AMMECR1: variants seen among roughly 807,000 people sequenced by gnomAD.
The protein encoded by AMMECR1 is nuclear protein AMMECR1.
In AMMECR1, 3 loss-of-function variants were observed where a neutral mutation model predicts 22.5. The ratio of observed to expected loss-of-function variants is 0.13; its 90% confidence interval spans 0.06 to 0.35. AMMECR1 has a LOEUF of 0.35. AMMECR1 is among the 10% of genes least tolerant of loss of function. The probability of loss-of-function intolerance (pLI) is 1.00; values close to 1 mark genes in which losing one functional copy is unlikely to be tolerated. For missense variants in AMMECR1, 235 were observed against 278.7 expected, an observed-to-expected ratio of 0.84 and a Z score of 1.12; for synonymous variants, 130 against 116.7, an observed-to-expected ratio of 1.11 and a Z score of -0.74.
chrX:110,346,314 A>T (rs1247456445), intron 2 of AMMECR1, among the ~76,000 whole-genome samples: 1 of 112,274 alleles, frequency 8.9e-6, no homozygotes, highest in Non-Finnish European at 1.9e-5. Context: ...ATAGGCTATG[A>T]GTAGATTATT....
chrX:110,277,965 T>G (rs747460631), intron 1 of AMMECR1, among the ~76,000 whole-genome samples: 1 of 112,350 alleles, frequency 8.9e-6, no homozygotes, highest in East Asian at 2.8e-4. Flanking sequence ...AAGTCATTAA[T>G]AGTCATGCAT....
At chrX:110,418,968 A>G (rs1003441555) in intron 2 of AMMECR1, 1 of 107,652 alleles carries the variant, frequency 9.3e-6, no homozygotes, top group African/African-American at 3.4e-5. Flanking sequence ...TGCATTGCCT[A>G]TGACTCACCA....
intron 2 of AMMECR1, among the ~76,000 whole-genome samples, chrX:110,341,005 A>C (rs1017520078): frequency 1.8e-4 from 20 of 112,639 alleles, no homozygotes; most frequent in Non-Finnish European, 3.6e-4. Context: ...AAATATTCCA[A>C]AGATGCTACT....
intron 1 of AMMECR1, among the ~76,000 whole-genome samples, chrX:110,313,451 T>C (rs1270460877): frequency 1.8e-5 from 2 of 111,908 alleles, no homozygotes; most frequent in Non-Finnish European, 3.8e-5. Flanking sequence ...ACAATCCCAG[T>C]GCCTTAGCAG....
intron 2 of AMMECR1, among the ~76,000 whole-genome samples, chrX:110,260,865 A>G (rs933690002): frequency 3.3e-4 from 37 of 112,395 alleles, no homozygotes; most frequent in African/African-American, 1.1e-3. Context: ...TGCCTTAAAA[A>G]GAAGGTAAAT....
upstream of AMMECR1, among the ~76,000 whole-genome samples, chrX:110,319,106 T>A (rs2148228711): frequency 8.9e-6 from 1 of 112,611 alleles, no homozygotes; most frequent in South Asian, 3.6e-4. Flanking sequence ...CTCTTAATAT[T>A]CATTTTTAAA....
intron 1 of AMMECR1, among the ~76,000 whole-genome samples, chrX:110,270,863 T>A (rs1372318226): frequency 8.9e-6 from 1 of 112,131 alleles, no homozygotes; most frequent in African/African-American, 3.2e-5. Context: ...CTCTGTTAAA[T>A]ACAAATTTCC....
intron 1 of AMMECR1, among the ~76,000 whole-genome samples, chrX:110,303,537 C>G (rs756674288): frequency 2.7e-5 from 3 of 111,966 alleles, no homozygotes; most frequent in Non-Finnish European, 5.6e-5. Flanking sequence ...TACTAAAAAC[C>G]ACTGGATTCC....
At chrX:110,360,802 A>G (rs2068258129) in intron 2 of AMMECR1, among the ~76,000 whole-genome samples, 1 of 111,208 alleles carries the variant, frequency 9.0e-6, no homozygotes, top group African/African-American at 3.3e-5. Context: ...CCTGGACTAC[A>G]ATGGTAGCAG....
chrX:110,241,744 G>C (rs2067634190), intron 2 of AMMECR1, among the ~76,000 whole-genome samples: 1 of 109,773 alleles, frequency 9.1e-6, no homozygotes, highest in Non-Finnish European at 1.9e-5. Context: ...GTAAAATAGG[G>C]GGAAGGGAAA....
chrX:110,224,934 GT>G (rs904595361), intron 2 of AMMECR1: 23 of 337,338 alleles, frequency 6.8e-5, no homozygotes, highest in South Asian at 3.5e-4. Flanking sequence ...TCTCCAAGCT[GT>G]TTTTTTTTAA....
intron 2 of AMMECR1, among the ~76,000 whole-genome samples, chrX:110,426,404 C>T (rs763700093): frequency 4.5e-5 from 5 of 111,545 alleles, no homozygotes; most frequent in Admixed American, 2.9e-4. Flanking sequence ...GTCTGCTTGC[C>T]CACGGAGGAG....
At chrX:110,379,079 C>T (rs2068399883) in intron 2 of AMMECR1, among the ~76,000 whole-genome samples, 1 of 112,017 alleles carries the variant, frequency 8.9e-6, no homozygotes. Context: ...GAGACCTTTC[C>T]CTGATTTTTT....
chrX:110,228,525 C>A (rs2067545358), intron 2 of AMMECR1, among the ~76,000 whole-genome samples: 1 of 111,379 alleles, frequency 9.0e-6, no homozygotes, highest in South Asian at 3.8e-4. Flanking sequence ...CAATAACACT[C>A]CAGAGCAGAT....
chrX:110,268,696 T>C (rs2067782608), intron 1 of AMMECR1, among the ~76,000 whole-genome samples: 3 of 111,857 alleles, frequency 2.7e-5, no homozygotes, highest in Admixed American at 1.9e-4. Flanking sequence ...ATTTCATTTT[T>C]AAATGTGCTA....
intron 2 of AMMECR1, among the ~76,000 whole-genome samples, chrX:110,407,696 G>A (rs949756130): frequency 1.8e-5 from 2 of 112,331 alleles, no homozygotes; most frequent in Non-Finnish European, 3.8e-5. Context: ...GCAGGGAGCT[G>A]TGCTGGCTTC....
intron 2 of AMMECR1, among the ~76,000 whole-genome samples, chrX:110,250,338 G>A (rs1277535855): frequency 2.7e-5 from 3 of 111,719 alleles, no homozygotes; most frequent in Admixed American, 9.5e-5. Flanking sequence ...TCTAGCACCA[G>A]GTCTATCTTG....
At chrX:110,256,942 G>T (rs1421649313) in intron 2 of AMMECR1, among the ~76,000 whole-genome samples, 1 of 111,455 alleles carries the variant, frequency 9.0e-6, no homozygotes, top group Non-Finnish European at 1.9e-5. Context: ...CATAGGATTT[G>T]CATGATAATC....
intron 1 of AMMECR1, among the ~76,000 whole-genome samples, chrX:110,277,485 T>G (rs2067832071): frequency 9.0e-6 from 1 of 110,551 alleles, no homozygotes; most frequent in African/African-American, 3.3e-5. Context: ...AGTTAATGGG[T>G]GCAGCACACC....
Sources: gnomAD v4.1 joint callset for allele counts (sites outside exome capture counted in the v4.1 genomes callset) on GRCh38, gnomAD v4.1.1 for gene constraint, MANE v1.5 for transcripts, NCBI Gene and HGNC (gene_info 2026-07-23, HGNC 2026-07-21) for gene names.